Variants in ZDHHC14 observed in about 807,000 individuals in gnomAD.
The protein encoded by ZDHHC14 is palmitoyltransferase ZDHHC14.
Under a neutral mutation model 47.7 loss-of-function variants are expected in ZDHHC14, and 16 were observed. The observed-to-expected ratio is 0.34, with a 90% CI of 0.23 to 0.51. The LOEUF (loss-of-function observed/expected upper bound fraction) is 0.51. Among genes scored for constraint, ZDHHC14 ranks in the 20% least tolerant of loss-of-function variants. ZDHHC14 has a pLI of 0.97. For synonymous variants in ZDHHC14, 293 were observed against 278.9 expected (o/e 1.05, Z -0.50); for missense variants, 515 against 662.5 (o/e 0.78, Z 2.44).
intron 3 of ZDHHC14, among the ~76,000 whole-genome samples, chr6:157,626,513 T>A (rs1055211644): frequency 1.3e-5 from 2 of 151,842 alleles, no homozygotes; most frequent in Admixed American, 1.3e-4. Context: ...AAACACTTAA[T>A]TTTTTTTAGA....
chr6:157,579,064 G>T (rs1372942569), intron 2 of ZDHHC14, among the ~76,000 whole-genome samples: 1 of 151,584 alleles, frequency 6.6e-6, no homozygotes, highest in Admixed American at 6.6e-5. Context: ...CTCTTTTTTA[G>T]TTCTATATGA....
intron 1 of ZDHHC14, among the ~76,000 whole-genome samples, chr6:157,510,774 AG>A (rs922477571): frequency 2.6e-5 from 4 of 152,132 alleles, no homozygotes; most frequent in African/African-American, 9.7e-5. Flanking sequence ...CTTCCCAGCA[AG>A]GGGGGCGTTC....
intron 1 of ZDHHC14, among the ~76,000 whole-genome samples, chr6:157,521,601 A>G (rs371076996): frequency 1.4e-4 from 21 of 152,228 alleles, no homozygotes; most frequent in East Asian, 5.8e-4. Flanking sequence ...GGCCTCTTTT[A>G]CAAGGGCCTG....
intron 2 of ZDHHC14, among the ~76,000 whole-genome samples, chr6:157,549,513 G>GA (rs1040864646): frequency 3.3e-5 from 5 of 152,044 alleles, no homozygotes; most frequent in Admixed American, 6.6e-5. Flanking sequence ...GTACATCCTA[G>GA]AAAAAAATGT....
chr6:157,652,707 G>A (rs567620399), intron 7 of ZDHHC14, among the ~76,000 whole-genome samples: 25 of 152,338 alleles, frequency 1.6e-4, no homozygotes, highest in African/African-American at 5.5e-4. Context: ...CCCGCTGGGT[G>A]TCAGCCTCAG....
In ZDHHC14 at chr6:157,392,705, G is replaced by A. The variant is rs188272378; in HGVS notation, c.245+10439G>A. Among the ~76,000 whole-genome samples the A allele has an allele frequency of 4.0e-5, 6 of 151,760 alleles. No homozygotes were observed. In the East Asian group the frequency reaches 1.2e-3, roughly 29 times the overall value. On this transcript the variant is annotated intron_variant, in intron 1 of 8. Coordinates refer to ENST00000359775, the MANE Select transcript of ZDHHC14 (RefSeq NM_024630.3). ...CCCCTTGACTCCAATCCTTCTATCT[G>A]TAGAAGTTAGCTGATCTTTAATTTA...
intron 1 of ZDHHC14, among the ~76,000 whole-genome samples, chr6:157,480,469 G>A (rs1164122220): frequency 6.6e-6 from 1 of 152,118 alleles, no homozygotes; most frequent in East Asian, 1.9e-4. Flanking sequence ...GGTTCACCAT[G>A]TTGGCCAGGC....
chr6:157,540,928 AT>A (rs1781734900), intron 1 of ZDHHC14, among the ~76,000 whole-genome samples: 1 of 132,502 alleles, frequency 7.5e-6, no homozygotes, highest in African/African-American at 3.0e-5. Context: ...ATATATATAT[AT>A]ATATAATTTC....
chr6:157,638,810 T>G (rs1777106408), intron 5 of ZDHHC14, among the ~76,000 whole-genome samples: 1 of 152,134 alleles, frequency 6.6e-6, no homozygotes, highest in South Asian at 2.1e-4. Context: ...TGGGGTGGGG[T>G]GTCCTGCAGG....
chr6:157,553,359 C>T (rs1469207897), intron 2 of ZDHHC14, among the ~76,000 whole-genome samples: 3 of 151,950 alleles, frequency 2.0e-5, no homozygotes, highest in African/African-American at 7.3e-5. Flanking sequence ...ATCAGGGCCT[C>T]GCTGGGAAGA....
intron 6 of ZDHHC14, among the ~76,000 whole-genome samples, 167 bp from the exon 7 acceptor site, chr6:157,647,092 A>G (rs570288597): frequency 6.6e-6 from 1 of 152,308 alleles, no homozygotes; most frequent in African/African-American, 2.4e-5. Flanking sequence ...CTGTTTTAGG[A>G]CATTTCCAAG....
intron 1 of ZDHHC14, among the ~76,000 whole-genome samples, chr6:157,503,856 G>A (rs1348465714): frequency 1.3e-5 from 2 of 152,140 alleles, no homozygotes; most frequent in Non-Finnish European, 1.5e-5. Context: ...GAAACAGCAC[G>A]GCTCATATAA....
At chr6:157,585,003 G>A (rs1485198064) in intron 2 of ZDHHC14, among the ~76,000 whole-genome samples, 5 of 152,018 alleles carry the variant, frequency 3.3e-5, no homozygotes, top group African/African-American at 9.7e-5. Flanking sequence ...TCAGGAGTTC[G>A]AGACCAGCCT....
chr6:157,559,256 C>T (rs139093515), intron 2 of ZDHHC14, among the ~76,000 whole-genome samples: 3,184 of 152,300 alleles, frequency 0.021, 113 homozygotes, highest in African/African-American at 0.072. Flanking sequence ...GGGCTTTAGC[C>T]GGGAACCTGC....
In ZDHHC14 at chr6:157,382,124, GCGGCC is replaced by G. The variant is rs1205585030; in HGVS notation, c.107_111del (p.Ala36GlufsTer15). On this transcript the variant is annotated frameshift_variant, in exon 1 of 9. Coordinates refer to ENST00000359775, the MANE Select transcript of ZDHHC14 (RefSeq NM_024630.3). LOFTEE classifies it high-confidence loss of function. ...GTCGCCCCACAAGAAGAAGAAAATC[GCGGCC>G]CGGAGGAAATGGGAGGTGTTCCCGG... 1 of 1,613,264 alleles carries G rather than the reference GCGGCC, an allele frequency of 6.2e-7. No individual in the cohort carries two copies. The highest frequency in any genetic ancestry group is 1.3e-5 in the African/African-American group (1 of 74,828).
intron 3 of ZDHHC14, among the ~76,000 whole-genome samples, chr6:157,622,735 G>A (rs1785243987): frequency 6.6e-6 from 1 of 152,030 alleles, no homozygotes; most frequent in Non-Finnish European, 1.5e-5. Context: ...CAGAAGTCCT[G>A]GAACCCTGTT....
chr6:157,447,510 G>A (rs1009724873), intron 1 of ZDHHC14, among the ~76,000 whole-genome samples: 22 of 152,342 alleles, frequency 1.4e-4, no homozygotes, highest in African/African-American at 4.8e-4. Flanking sequence ...GGGACTGTAT[G>A]GAAGGAGGAT....
chr6:157,647,484 T>G, intron 7 of ZDHHC14, 116 bp downstream of exon 7: 1 of 662,964 alleles, frequency 1.5e-6, no homozygotes, highest in Non-Finnish European at 2.6e-6. Flanking sequence ...GTGACCACTT[T>G]GTGCCGCGTG....
At chr6:157,584,050 G>A (rs970998390) in intron 2 of ZDHHC14, among the ~76,000 whole-genome samples, 1 of 152,180 alleles carries the variant, frequency 6.6e-6, no homozygotes, top group Non-Finnish European at 1.5e-5. Flanking sequence ...TGGCAGTATG[G>A]TTGAAGCACT....
Sources: allele counts gnomAD v4.1 joint callset (sites outside exome capture counted in the v4.1 genomes callset), GRCh38; gene constraint gnomAD v4.1.1; transcripts MANE v1.5; gene names NCBI Gene and HGNC (gene_info 2026-07-23, HGNC 2026-07-21).